RPL3L: variants seen among roughly 807,000 people sequenced by gnomAD.
RPL3L encodes the protein ribosomal protein L3 like.
In RPL3L, 44 loss-of-function variants were observed where a neutral mutation model predicts 44.5. That is an observed-to-expected ratio of 0.99 (90% CI 0.78 to 1.27). RPL3L has a LOEUF of 1.27. Ranked by LOEUF, RPL3L falls within the 50% of genes most tolerant of loss-of-function variation. RPL3L has a pLI of 0.00. For synonymous variants in RPL3L, 292 were observed against 230.7 expected (o/e 1.27, Z -2.41); for missense variants, 631 against 569.1 (o/e 1.11, Z -1.11).
In RPL3L at chr16:1,945,366, TA is replaced by T. The variant is rs2083113060; in HGVS notation, c.1167+132del. On this transcript the variant is annotated intron_variant, in intron 9 of 9. Coordinates refer to ENST00000268661, the MANE Select transcript of RPL3L (RefSeq NM_005061.3). ...CGAGACTCCATCTCAAAAAATAAAA[TA>T]AATAAAAAAAAAAGAGTCTCTCCTG... The T allele has an allele frequency of 6.6e-6, 5 of 761,580 alleles. No individual in the cohort carries two copies. The African/African-American group carries it at 1.1e-4, about 17-fold the overall frequency. The allele number at this position is 761,580 out of a possible 1,614,324, so 47.2% of individuals were successfully genotyped here.
intron 6 of RPL3L, 29 bp from the exon 7 acceptor site, chr16:1,946,755 A>C: frequency 6.2e-7 from 1 of 1,610,120 alleles, no homozygotes; most frequent in Non-Finnish European, 8.5e-7. Context: ...TGCCAGGGGC[A>C]GGAAGTGGCC....
rs375794746 is a variant in RPL3L, at chr16:1,950,968, T to C, written c.377A>G (p.Lys126Arg). The C allele has an allele frequency of 9.3e-6, 15 of 1,613,766 alleles. No individual in the cohort carries two copies. Among genetic ancestry groups the C allele is most frequent in the Admixed American group, 5.0e-5 (3 of 59,986 alleles). The change falls in exon 4 of 10, where the codon AAG becomes AGG. Residue 126 changes from lysine to arginine, a missense_variant. Physicochemically the swap from Lys to Arg is conservative, Grantham distance 26. Transcript: ENST00000268661. ...GCAGGCCTTGGTGAAGGCTTTCTTC[T>C]TGCTCTTGTGCCTGAGCCATGCACA... ...RRFYKDWHKS[K>R]KKAFTKACKR...
chr16:1,948,966 C>G (rs1477256017), intron 4 of RPL3L, among the ~76,000 whole-genome samples: 1 of 151,544 alleles, frequency 6.6e-6, no homozygotes, highest in Non-Finnish European at 1.5e-5. Flanking sequence ...CTGCCTCGGC[C>G]TCCCAAAGTG....
At position 1,945,907 on chromosome 16, in the gene RPL3L, T is replaced by C. The variant is rs768946017; in HGVS notation, c.975A>G (p.Glu325=). The C allele has an allele frequency of 1.2e-6, 2 of 1,612,776 alleles. No individual in the cohort carries two copies. The highest frequency in any genetic ancestry group is 1.3e-5 in the African/African-American group (1 of 74,948). The change falls in exon 8 of 10, where the codon GAA becomes GAG. Residue 325 remains glutamate (E), a synonymous_variant. Coordinates refer to ENST00000268661, the MANE Select transcript of RPL3L (RefSeq NM_005061.3). ...TPLGGFPHYG[E]VNNDFVMLKG... ...TCAGCATGACGAAGTCGTTGTTCAC[T>C]TCCCCGTAGTGGGGGAAGCCACCCT...
chr16:1,953,987 G>A lies in RPL3L; in HGVS notation c.165C>T (p.His55=), dbSNP rs200408341. 1.4e-5 allele frequency: 23 copies of A among 1,590,972 alleles called. 1 individual carries two copies. The South Asian group carries it at 2.5e-4, about 17-fold the overall frequency. The change falls in exon 2 of 10, where the codon CAC becomes CAT. Residue 55 remains histidine, a synonymous_variant. Transcript: ENST00000268661. ...CCGGCCGGTGCACCTCCCGCAGGGTGTGGGTCATGCCCGCCTTGTAGCCCA... is the reference window on the plus strand; with the variant it reads ...CCGGCCGGTGCACCTCCCGCAGGGTATGGGTCATGCCCGCCTTGTAGCCCA... ...AFLGYKAGMT[H]TLREVHRPGL...
At chr16:1,949,232 G>T (rs1344760493) in intron 4 of RPL3L, among the ~76,000 whole-genome samples, 2 of 148,686 alleles carry the variant, frequency 1.3e-5, no homozygotes, top group African/African-American at 5.0e-5. Context: ...TAAGCCACTG[G>T]GCCTGATTTT....
rs1597029869 is a variant in RPL3L at position 1,952,898 on chromosome 16, CACTCATCACTGA to C, written c.329_340del (p.Leu110_Cys114delinsArg). 6.2e-7 allele frequency: 1 copy of C among 1,613,978 alleles called. No individual in the cohort carries two copies. The highest frequency in any genetic ancestry group is 8.5e-7 in the Non-Finnish European group (1 of 1,179,998). ...CCAGTCCTTGTAGAATCGGCGCCGG[CACTCATCACTGA>C]GGTGTTCTGCAAAGATGGTCTTGAA... On this transcript the variant is annotated inframe_deletion, in exon 3 of 10. Coordinates refer to ENST00000268661, the MANE Select transcript of RPL3L (RefSeq NM_005061.3).
chr16:1,944,604 T>A lies in RPL3L; in HGVS notation c.*233A>T. 2 of 428,430 alleles carry A rather than the reference T, an allele frequency of 4.7e-6. No individual in the cohort carries two copies. The highest frequency in any genetic ancestry group is 8.6e-6 in the Non-Finnish European group (2 of 233,846). The allele number at this position is 428,430 out of a possible 1,614,324, so 26.5% of individuals were successfully genotyped here. ...TGCTCAAAGAGATCGATTTGAGTAA[T>A]AATAAAACATAAAACTCCGGTCTCC... On this transcript the variant is annotated 3_prime_UTR_variant, in exon 10 of 10. Transcript: ENST00000268661.
At chr16:1,951,188 G>C (rs1186506835) in intron 3 of RPL3L, among the ~76,000 whole-genome samples, 1 of 152,150 alleles carries the variant, frequency 6.6e-6, no homozygotes. Context: ...CCTCTGTAAA[G>C]TAGGTACCCT....
Position 1,945,370 on chromosome 16 carries a change from T to TAA in RPL3L, c.1167+127_1167+128dup, listed in dbSNP as rs35978219. ...ACTCCATCTCAAAAAATAAAATAAATAAAAAAAAAAGAGTCTCTCCTGCAG... is the reference window on the plus strand; with the variant it reads ...ACTCCATCTCAAAAAATAAAATAAATAAAAAAAAAAAAGAGTCTCTCCTGCAG... On this transcript the variant is annotated intron_variant, in intron 9 of 9. Transcript: ENST00000268661. 3.6e-5 allele frequency: 27 copies of TAA among 739,996 alleles called. 1 individual carries two copies. The highest frequency in any genetic ancestry group is 4.8e-4 in the Middle Eastern group (1 of 2,086). 45.8% of individuals were successfully genotyped at this position (739,996 alleles called of 1,614,324 possible).
chr16:1,946,452 C>T (rs1041870616), intron 7 of RPL3L, among the ~76,000 whole-genome samples, 173 bp downstream of exon 7: 17 of 152,240 alleles, frequency 1.1e-4, no homozygotes, highest in African/African-American at 2.4e-4. Context: ...GTGTGCCTGG[C>T]GGGGCAGCGT....
intron 6 of RPL3L, 21 bp from the exon 7 acceptor site, chr16:1,946,747 C>T: frequency 1.9e-6 from 3 of 1,611,014 alleles, no homozygotes; most frequent in Non-Finnish European, 2.5e-6. Flanking sequence ...GGGGCACATG[C>T]CAGGGGCAGG....
chr16:1,951,159 C>G lies in RPL3L; in HGVS notation c.366-180G>C, dbSNP rs535417815. On this transcript the variant is annotated intron_variant, in intron 3 of 9. Transcript: ENST00000268661. ...CTTTGAACATAGACTGTCTCTCCCC[C>G]TCTAGGCCCCGGTTTCCTCCTCTGT... 3.9e-5 allele frequency among the ~76,000 whole-genome samples: 6 copies of G among 152,282 alleles called. No homozygotes were observed. The South Asian group carries it at 1.2e-3, about 32-fold the overall frequency.
chr16:1,954,477 C>T (rs1472595371), intron 1 of RPL3L, 152 bp downstream of exon 1: 2 of 919,830 alleles, frequency 2.2e-6, no homozygotes, highest in African/African-American at 1.8e-5. Context: ...CCCAGGAGCC[C>T]AGCCCTCGTC....
At chr16:1,950,595 C>T (rs2083165081) in intron 4 of RPL3L, among the ~76,000 whole-genome samples, 1 of 152,180 alleles carries the variant, frequency 6.6e-6, no homozygotes, top group Non-Finnish European at 1.5e-5. Context: ...GGACCCGGCT[C>T]TTCAGGGCGT....
chr16:1,954,628 C>T lies in RPL3L; in HGVS notation c.3+1G>A. ...CCCACCCTCACCCTGGTCCCACCAA[C>T]CATGGTGGCCGATCCCTGAAGGTCA... On this transcript the variant is annotated splice_donor_variant, in intron 1 of 9. Coordinates refer to ENST00000268661, the MANE Select transcript of RPL3L (RefSeq NM_005061.3). LOFTEE classifies it high-confidence loss of function. 1 of 1,549,270 alleles carries T rather than the reference C, an allele frequency of 6.5e-7. No individual in the cohort carries two copies. Among genetic ancestry groups the T allele is most frequent in the Non-Finnish European group, 8.7e-7 (1 of 1,148,668 alleles).
In RPL3L at chr16:1,945,624, G is replaced by T; in HGVS notation, c.1048-6C>A. 6.2e-7 allele frequency: 1 copy of T among 1,613,780 alleles called. No homozygotes were observed. The highest frequency in any genetic ancestry group is 1.1e-5 in the South Asian group (1 of 91,074). On this transcript the variant is annotated splice_polypyrimidine_tract_variant and splice_region_variant and intron_variant, in intron 8 of 9. Coordinates refer to ENST00000268661, the MANE Select transcript of RPL3L (RefSeq NM_005061.3). ...CTGTGATGCACCAGGAGGGACTGGG[G>T]AATCCATGGTAAAGTAAACATCAAG...
intron 4 of RPL3L, 143 bp downstream of exon 4, chr16:1,950,701 G>T (rs1310109934): frequency 7.7e-7 from 1 of 1,306,134 alleles, no homozygotes; most frequent in African/African-American, 1.5e-5. Context: ...GCTGCACGTG[G>T]CCAGCGAGGC....
chr16:1,948,600 T>A (rs557677069), intron 4 of RPL3L, among the ~76,000 whole-genome samples: 21 of 152,188 alleles, frequency 1.4e-4, no homozygotes, highest in African/African-American at 4.8e-4. Context: ...AGTGGCATGA[T>A]CAAGGCTCAC....
Sources: allele counts gnomAD v4.1 joint callset (sites outside exome capture counted in the v4.1 genomes callset), GRCh38; gene constraint gnomAD v4.1.1; transcripts MANE v1.5; gene names NCBI Gene and HGNC (gene_info 2026-07-23, HGNC 2026-07-21).